Variants in RFX3 observed in about 807,000 individuals in gnomAD.
RFX3 encodes transcription factor RFX3.
A neutral mutation model predicts 98.6 loss-of-function variants in RFX3; 14 were observed. The observed-to-expected ratio is 0.14, with a 90% confidence interval of 0.09 to 0.22. RFX3 has a LOEUF of 0.22. Ranked by LOEUF, RFX3 falls within the 10% of genes least tolerant of loss-of-function variation. The pLI is 1.00. For synonymous variants in RFX3, 383 were observed against 328.4 expected, an observed-to-expected ratio of 1.17 and a Z score of -1.80; for missense variants, 639 against 926.9, an observed-to-expected ratio of 0.69 and a Z score of 4.03.
chr9:3,259,528 G>C (rs1021990976), intron 13 of RFX3, among the ~76,000 whole-genome samples: 9 of 149,784 alleles, frequency 6.0e-5, no homozygotes, highest in African/African-American at 2.2e-4. Flanking sequence ...TATCCAAAAT[G>C]AAAAGTAGTC....
intron 1 of RFX3, among the ~76,000 whole-genome samples, chr9:3,452,695 A>C (rs934162191): frequency 1.3e-5 from 2 of 152,138 alleles, no homozygotes; most frequent in Non-Finnish European, 2.9e-5. Context: ...CATACTTTGC[A>C]CTCTATAGAC....
chr9:3,467,314 ATG>A (rs1043151481), intron 1 of RFX3, among the ~76,000 whole-genome samples: 2 of 147,104 alleles, frequency 1.4e-5, no homozygotes, highest in East Asian at 2.0e-4. Context: ...AAATATATAT[ATG>A]TGTGTGTGTA....
chr9:3,335,048 G>C (rs1228413719), intron 3 of RFX3, among the ~76,000 whole-genome samples: 1 of 152,040 alleles, frequency 6.6e-6, no homozygotes, highest in Non-Finnish European at 1.5e-5. Context: ...GAACCTGGGA[G>C]GTGGAGGTTG....
chr9:3,261,521 T>C (rs1254301526), intron 13 of RFX3, among the ~76,000 whole-genome samples: 1 of 152,170 alleles, frequency 6.6e-6, no homozygotes, highest in Non-Finnish European at 1.5e-5. Flanking sequence ...TATGGATAGA[T>C]CACATTTTGT....
rs529097861 is a variant in RFX3, at chr9:3,488,331, G to A, written c.-9+37416C>T. On this transcript the variant is annotated intron_variant, in intron 1 of 16. Coordinates refer to ENST00000617270, the MANE Select transcript of RFX3 (RefSeq NM_001282116.2). ...CCTCTAAACTATTTTTGATAAATAA[G>A]TTTGTAAGTACTTTTAATAAAAGTA... 3.3e-5 allele frequency among the ~76,000 whole-genome samples: 5 copies of A among 152,226 alleles called. No homozygotes were observed. In the East Asian group the frequency reaches 9.6e-4, roughly 29 times the overall value.
chr9:3,218,799 T>C lies in RFX3; in HGVS notation c.*6243A>G, dbSNP rs538082160. Reference sequence around the variant, plus strand: ...TCATTTACATAATATATTCAGTCGATTGTAAAATAAATGTTCAAATATCTC... The same window carrying C: ...TCATTTACATAATATATTCAGTCGACTGTAAAATAAATGTTCAAATATCTC... On this transcript the variant is annotated 3_prime_UTR_variant, in exon 17 of 17. Coordinates refer to ENST00000617270, the MANE Select transcript of RFX3 (RefSeq NM_001282116.2). 2.6e-5 allele frequency: 4 copies of C among 152,272 alleles called. No individual in the cohort carries two copies. The highest frequency in any genetic ancestry group is 1.9e-4 in the East Asian group (1 of 5,190). 9.4% of individuals were successfully genotyped at this position (152,272 alleles called of 1,614,324 possible). A position where few individuals can be genotyped will look rare whatever the true frequency, so the allele number is the denominator to read the frequency against.
At chr9:3,403,762 A>G (rs1301660890) in intron 1 of RFX3, among the ~76,000 whole-genome samples, 1 of 152,210 alleles carries the variant, frequency 6.6e-6, no homozygotes, top group Non-Finnish European at 1.5e-5. Flanking sequence ...AAAGGGAGGC[A>G]AAGATTGGCT....
chr9:3,388,294 A>C (rs1839933485), intron 2 of RFX3, among the ~76,000 whole-genome samples: 1 of 152,144 alleles, frequency 6.6e-6, no homozygotes, highest in African/African-American at 2.4e-5. Flanking sequence ...CAAAATAAAG[A>C]GATCTAATGG....
chr9:3,229,869 A>G (rs1818256093), intron 15 of RFX3, among the ~76,000 whole-genome samples: 3 of 152,206 alleles, frequency 2.0e-5, no homozygotes, highest in Non-Finnish European at 4.4e-5. Context: ...CTATAAAGTA[A>G]TAAAACTGAT....
At chr9:3,467,046 A>G (rs1415679429) in intron 1 of RFX3, among the ~76,000 whole-genome samples, 4 of 140,010 alleles carry the variant, frequency 2.9e-5, no homozygotes, top group East Asian at 4.2e-4. Context: ...ATATATATAT[A>G]TGTATATACA....
chr9:3,292,730 G>C (rs920169130), intron 6 of RFX3, among the ~76,000 whole-genome samples: 1 of 138,054 alleles, frequency 7.2e-6, no homozygotes, highest in Admixed American at 6.8e-5. Context: ...TTCAATAAGA[G>C]AATACATTTT....
At chr9:3,443,457 T>C (rs1464438398) in intron 1 of RFX3, among the ~76,000 whole-genome samples, 2 of 152,156 alleles carry the variant, frequency 1.3e-5, no homozygotes, top group Non-Finnish European at 2.9e-5. Context: ...GATGTGGTGT[T>C]TGGTTTTCTG....
chr9:3,402,174 G>A (rs537706578), intron 1 of RFX3, among the ~76,000 whole-genome samples: 1 of 152,056 alleles, frequency 6.6e-6, no homozygotes, highest in African/African-American at 2.4e-5. Flanking sequence ...CTTAAAAATA[G>A]GTAGTATCCA....
chr9:3,293,107 A>G lies in RFX3; in HGVS notation c.701T>C (p.Met234Thr). 6.2e-7 allele frequency: 1 copy of G among 1,613,292 alleles called. No individual in the cohort carries two copies. The highest frequency in any genetic ancestry group is 8.5e-7 in the Non-Finnish European group (1 of 1,179,586). ...GCCCAATCTCCTGGTTCGTAGCCCC[A>G]TAAAAATTGATCTTATTAATTTTCC... ...SFGKLIRSIF[M>T]GLRTRRLGTR... Residue 234 changes from methionine to threonine, a missense_variant, in exon 6 of 17, where the codon ATG (methionine) becomes ACG (threonine). This residue lies in a region of RFX3 where 24 missense variants were observed against 74.5 expected (regional missense o/e 0.32). Coordinates refer to ENST00000617270, the MANE Select transcript of RFX3 (RefSeq NM_001282116.2).
chr9:3,324,575 T>C (rs1375538130), intron 4 of RFX3, among the ~76,000 whole-genome samples: 6 of 147,312 alleles, frequency 4.1e-5, no homozygotes, highest in African/African-American at 1.3e-4. Flanking sequence ...GCATTTTTCT[T>C]ACCATTTGTG....
intron 1 of RFX3, among the ~76,000 whole-genome samples, chr9:3,427,272 T>A (rs1464855235): frequency 7.0e-6 from 1 of 143,556 alleles, no homozygotes; most frequent in African/African-American, 2.5e-5. Context: ...ATATATATAT[T>A]TTATTATATA....
chr9:3,515,203 T>G (rs1818036831), intron 1 of RFX3, among the ~76,000 whole-genome samples: 1 of 152,204 alleles, frequency 6.6e-6, no homozygotes, highest in African/African-American at 2.4e-5. Context: ...CTCACCAGTC[T>G]TTTTAATTCC....
intron 1 of RFX3, among the ~76,000 whole-genome samples, chr9:3,423,199 A>G (rs1425403581): frequency 6.6e-6 from 1 of 152,196 alleles, no homozygotes; most frequent in East Asian, 1.9e-4. Flanking sequence ...GAATGTTTTC[A>G]AACGGTACAA....
intron 5 of RFX3, among the ~76,000 whole-genome samples, chr9:3,295,404 T>C (rs1016497127): frequency 6.6e-6 from 1 of 152,050 alleles, no homozygotes; most frequent in African/African-American, 2.4e-5. Flanking sequence ...TCTTGTTTTG[T>C]GTACATATAC....
Sources: allele counts gnomAD v4.1 joint callset (sites outside exome capture counted in the v4.1 genomes callset), GRCh38; gene constraint gnomAD v4.1.1; regional missense constraint gnomAD v4.1.1; transcripts MANE v1.5; gene names NCBI Gene and HGNC (gene_info 2026-07-23, HGNC 2026-07-21).